DIAPH3: variants seen among roughly 807,000 people sequenced by gnomAD.
DIAPH3 encodes protein diaphanous homolog 3.
DIAPH3 carries 117 observed loss-of-function variants against 144.3 expected under a neutral mutation model. The ratio of observed to expected loss-of-function variants is 0.81; its 90% CI spans 0.70 to 0.95. The LOEUF (loss-of-function observed/expected upper bound fraction) is 0.95, where lower values mean the gene tolerates loss of function less well. DIAPH3 is among the 40% of genes least tolerant of loss of function. The probability of loss-of-function intolerance (pLI) is 0.00; values close to 1 mark genes in which losing one functional copy is unlikely to be tolerated. For synonymous variants in DIAPH3, 519 were observed against 488.9 expected, an observed-to-expected ratio of 1.06 and a Z score of -0.81; for missense variants, 1,421 against 1,412.7, an observed-to-expected ratio of 1.01 and a Z score of -0.09.
chr13:59,926,435 T>C (rs999791200), intron 17 of DIAPH3, among the ~76,000 whole-genome samples: 2 of 152,256 alleles, frequency 1.3e-5, no homozygotes, highest in Admixed American at 1.3e-4. Context: ...ATTTTTTATG[T>C]AGGCATTTTT....
intron 5 of DIAPH3, among the ~76,000 whole-genome samples, chr13:60,017,937 G>GT (rs1325951186): frequency 6.6e-6 from 1 of 152,138 alleles, no homozygotes; most frequent in Non-Finnish European, 1.5e-5. Flanking sequence ...TTTGAATCTT[G>GT]TTTTTATGTT....
chr13:60,084,343 T>G (rs777374554), intron 4 of DIAPH3, among the ~76,000 whole-genome samples: 67 of 152,140 alleles, frequency 4.4e-4, no homozygotes, highest in Middle Eastern at 6.8e-3. Flanking sequence ...GACAAACGGT[T>G]TTTTTCTTTT....
chr13:59,897,436 G>A (rs892958261), intron 20 of DIAPH3, among the ~76,000 whole-genome samples: 1 of 152,212 alleles, frequency 6.6e-6, no homozygotes, highest in African/African-American at 2.4e-5. Context: ...TTAATGTAAA[G>A]TGGAATATAG....
intron 5 of DIAPH3, 99 bp downstream of exon 5, chr13:60,042,591 G>A: frequency 1.4e-6 from 2 of 1,429,292 alleles, no homozygotes; most frequent in South Asian, 2.4e-5. Flanking sequence ...TGTACTTTGA[G>A]AAACTGTTGA....
intron 17 of DIAPH3, among the ~76,000 whole-genome samples, chr13:59,943,096 T>C (rs530631299): frequency 6.6e-6 from 1 of 152,306 alleles, no homozygotes; most frequent in East Asian, 1.9e-4. Flanking sequence ...AAAAGACATA[T>C]GATCAATTTA....
intron 2 of DIAPH3, among the ~76,000 whole-genome samples, chr13:60,115,879 G>A (rs2138098942): frequency 6.6e-6 from 1 of 151,980 alleles, no homozygotes; most frequent in African/African-American, 2.4e-5. Flanking sequence ...AGGGGATCTG[G>A]GCAGTTCAAA....
At chr13:60,026,685 C>T (rs747902547) in intron 5 of DIAPH3, among the ~76,000 whole-genome samples, 11 of 152,088 alleles carry the variant, frequency 7.2e-5, no homozygotes, top group Non-Finnish European at 1.3e-4. Context: ...AACCAACCAA[C>T]CAACGGTATT....
At chr13:60,069,154 T>C (rs1234315600) in intron 4 of DIAPH3, among the ~76,000 whole-genome samples, 3 of 152,148 alleles carry the variant, frequency 2.0e-5, no homozygotes, top group African/African-American at 4.8e-5. Flanking sequence ...CAGTTATTTT[T>C]TGACTTTTTA....
At position 59,950,828 on chromosome 13, in the gene DIAPH3, C is replaced by CTA. The variant is rs750962991; in HGVS notation, c.2074+19114_2074+19115dup. On this transcript the variant is annotated intron_variant, in intron 17 of 27. Coordinates refer to ENST00000400324, the MANE Select transcript of DIAPH3 (RefSeq NM_001042517.2). ...TAGCATGAGAAATATGTGGAAATAA[C>CTA]TATATATATATATTGTTATTTACTC... is the stretch of plus-strand genomic sequence containing the variant. Among the ~76,000 whole-genome samples, 378 of 151,364 alleles carry CTA rather than the reference C, an allele frequency of 2.5e-3. 1 individual carries two copies. Among genetic ancestry groups the CTA allele is most frequent in the African/African-American group, 7.1e-3 (294 of 41,308 alleles).
chr13:59,851,071 C>G (rs1257133820), intron 22 of DIAPH3, among the ~76,000 whole-genome samples: 1 of 150,470 alleles, frequency 6.6e-6, no homozygotes, highest in Non-Finnish European at 1.5e-5. Flanking sequence ...GAGACACAAC[C>G]AAAAAAGAGA....
intron 27 of DIAPH3, among the ~76,000 whole-genome samples, chr13:59,719,681 A>G (rs768756436): frequency 6.6e-6 from 1 of 152,268 alleles, no homozygotes; most frequent in South Asian, 2.1e-4. Context: ...CTCTTTAAAG[A>G]GCCATGCTTT....
intron 19 of DIAPH3, among the ~76,000 whole-genome samples, chr13:59,913,169 C>T (rs894665704): frequency 1.3e-5 from 2 of 152,056 alleles, no homozygotes; most frequent in Admixed American, 6.6e-5. Context: ...TAGACAAATC[C>T]CCCTGAATAT....
At chr13:59,798,796 T>A (rs1172114444) in intron 25 of DIAPH3, among the ~76,000 whole-genome samples, 1 of 152,170 alleles carries the variant, frequency 6.6e-6, no homozygotes, top group Non-Finnish European at 1.5e-5. Context: ...TGCAGTGCAG[T>A]AGCCCTGCGC....
At chr13:59,763,733 G>A (rs763146601) in intron 27 of DIAPH3, among the ~76,000 whole-genome samples, 3 of 151,946 alleles carry the variant, frequency 2.0e-5, no homozygotes, top group Non-Finnish European at 4.4e-5. Context: ...GTGGTGTTTT[G>A]CTTGAAATTT....
chr13:59,952,874 C>T (rs1421819803), intron 17 of DIAPH3, among the ~76,000 whole-genome samples: 2 of 152,140 alleles, frequency 1.3e-5, no homozygotes, highest in Non-Finnish European at 2.9e-5. Flanking sequence ...ATTCAATGCC[C>T]ATATGTGCCA....
chr13:59,676,520 T>C (rs1196860245), intron 27 of DIAPH3, among the ~76,000 whole-genome samples: 1 of 152,222 alleles, frequency 6.6e-6, no homozygotes, highest in Non-Finnish European at 1.5e-5. Flanking sequence ...CCTTCAGTGA[T>C]CATGAGTTGA....
At chr13:60,020,014 A>G (rs973687972) in intron 5 of DIAPH3, among the ~76,000 whole-genome samples, 6 of 152,168 alleles carry the variant, frequency 3.9e-5, no homozygotes, top group Non-Finnish European at 7.4e-5. Flanking sequence ...TGGAATTATT[A>G]CCCTTATGAT....
intron 4 of DIAPH3, among the ~76,000 whole-genome samples, chr13:60,058,231 A>T (rs886417071): frequency 6.6e-5 from 10 of 151,866 alleles, no homozygotes; most frequent in Non-Finnish European, 1.2e-4. Context: ...GGCAAATGAC[A>T]TGAATAGACA....
intron 17 of DIAPH3, among the ~76,000 whole-genome samples, chr13:59,934,061 G>A (rs1292687734): frequency 6.6e-6 from 1 of 151,872 alleles, no homozygotes; most frequent in East Asian, 1.9e-4. Flanking sequence ...TTTCACCATT[G>A]CAAAAGAAAA....
Sources: allele counts gnomAD v4.1 joint callset (sites outside exome capture counted in the v4.1 genomes callset), GRCh38; gene constraint gnomAD v4.1.1; transcripts MANE v1.5; gene names NCBI Gene and HGNC (gene_info 2026-07-23, HGNC 2026-07-21).